The following CD151 variants were observed in gnomAD, a reference collection of about 807,000 sequenced individuals.
CD151 encodes the protein CD151 antigen.
In CD151, 20 loss-of-function variants were observed where a neutral mutation model predicts 34.2. That is an observed-to-expected ratio of 0.58 (90% CI 0.41 to 0.85). The LOEUF (loss-of-function observed/expected upper bound fraction) is 0.85. CD151 is among the 40% of genes least tolerant of loss of function. The probability of loss-of-function intolerance (pLI) is 0.00; values close to 1 mark genes in which losing one functional copy is unlikely to be tolerated. For missense variants in CD151, 306 were observed against 324.5 expected (o/e 0.94, Z 0.44); for synonymous variants, 157 against 131.7 (o/e 1.19, Z -1.32).
Position 838,146 on chromosome 11 carries a change from T to TCTCAAGCTG in CD151, c.718_719insCAAGCTGCT (p.Ile239_Phe240insSerSerCys). 1 of 1,613,214 alleles carries TCTCAAGCTG rather than the reference T, an allele frequency of 6.2e-7. No homozygotes were observed. The highest frequency in any genetic ancestry group is 1.3e-5 in the African/African-American group (1 of 75,010). ...CTCTGCACACAGGTCTTTGGCATGA[T>TCTCAAGCTG]CTTCACGTGCTGCCTGTACAGGAGT... On this transcript the variant is annotated inframe_insertion, in exon 9 of 9. Transcript: ENST00000397420.
Position 838,165 on chromosome 11 carries a change from C to T in CD151, c.735C>T (p.Tyr245=), listed in dbSNP as rs749673020. The T allele has an allele frequency of 3.7e-6, 6 of 1,613,102 alleles. No individual in the cohort carries two copies. The East Asian group carries it at 8.9e-5, about 24-fold the overall frequency. Residue 245 remains tyrosine (Y), a synonymous_variant, in exon 9 of 9, where the codon TAC becomes TAT. Transcript: ENST00000397420. ...GCATGATCTTCACGTGCTGCCTGTA[C>T]AGGAGTCTCAAGCTGGAGCACTACT... is the stretch of plus-strand genomic sequence containing the variant. ...VFGMIFTCCL[Y]RSLKLEHY
At chr11:836,545 G>C in intron 4 of CD151, 103 bp downstream of exon 4, 7 of 933,898 alleles carry the variant, frequency 7.5e-6, no homozygotes, top group Non-Finnish European at 9.6e-6. Context: ...CACCTGGGGG[G>C]GGGGTCACGG....
At position 836,085 on chromosome 11, in the gene CD151, GAGA is replaced by G. The variant is rs757023406; in HGVS notation, c.23_25del (p.Lys8del). 38 of 1,612,166 alleles carry G rather than the reference GAGA, an allele frequency of 2.4e-5. No homozygotes were observed. Among genetic ancestry groups the G allele is most frequent in the African/African-American group, 9.3e-5 (7 of 74,896 alleles). On this transcript the variant is annotated inframe_deletion, in exon 3 of 9. Transcript: ENST00000397420. Reference sequence around the variant, plus strand: ...CAGCCCCAGGATGGGTGAGTTCAACGAGAAGAAGACAACATGTGGCACCGTTTG... The same window carrying G: ...CAGCCCCAGGATGGGTGAGTTCAACGAGAAGACAACATGTGGCACCGTTTG...
chr11:836,714 C>G, intron 4 of CD151, 55 bp from the exon 5 acceptor site: 1 of 1,543,514 alleles, frequency 6.5e-7, no homozygotes, highest in East Asian at 2.2e-5. Context: ...CTGAGGTGCA[C>G]TAGGTCTAGG....
rs150762512 is a variant in CD151, at chr11:833,515, C to T, written c.-70+489C>T. ...GGGGACGCTTGGCAGGCGCGGAGTC[C>T]CAGGTCCCCCTGACTGGGGCTCCCC... On this transcript the variant is annotated intron_variant, in intron 1 of 8. Coordinates refer to ENST00000397420, the MANE Select transcript of CD151 (RefSeq NM_004357.5). Among the ~76,000 whole-genome samples the T allele has an allele frequency of 6.8e-3, 1,033 of 152,326 alleles. 20 individuals are homozygous for T. Among genetic ancestry groups the T allele is most frequent in the African/African-American group, 0.024 (988 of 41,572 alleles).
intron 2 of CD151, chr11:835,812 C>A (rs1448723531): frequency 1.2e-5 from 5 of 429,060 alleles, no homozygotes; most frequent in Non-Finnish European, 1.7e-5. Flanking sequence ...CTCAGCCTCC[C>A]AAGTAGCTGG....
rs773041213 is a variant in CD151, at chr11:837,551, G to A, written c.548G>A (p.Ser183Asn). The change falls in exon 7 of 9, where the codon AGC becomes AAC. Residue 183 changes from serine to asparagine, a missense_variant. By Grantham distance (46) the Ser-to-Asn change is conservative (BLOSUM62 1). Coordinates refer to ENST00000397420, the MANE Select transcript of CD151 (RefSeq NM_004357.5). ...GCCGGTGGCCGTGTGGTCCCAGACAGCTGCTGCAAGACGGTGGTGGCTCTT... is the reference window on the plus strand; with the variant it reads ...GCCGGTGGCCGTGTGGTCCCAGACAACTGCTGCAAGACGGTGGTGGCTCTT... ...QEAGGRVVPD[S>N]CCKTVVALCG... The A allele has an allele frequency of 1.2e-6, 2 of 1,613,032 alleles. No homozygotes were observed. The highest frequency in any genetic ancestry group is 2.7e-5 in the African/African-American group (2 of 74,920).
chr11:838,093 C>T (rs1846848189), intron 8 of CD151, 40 bp from the exon 9 acceptor site: 1 of 1,608,888 alleles, frequency 6.2e-7, no homozygotes, highest in Non-Finnish European at 8.5e-7. Context: ...GGCTGGTGGC[C>T]CCATGACGTC....
intron 1 of CD151, chr11:834,170 T>C (rs1846666259): frequency 6.6e-6 from 1 of 152,044 alleles, no homozygotes; most frequent in Non-Finnish European, 1.5e-5. Context: ...ACCAGCCTGG[T>C]CCACATGGTG....
In CD151 at chr11:837,614, T is replaced by G. The variant is rs1590210807; in HGVS notation, c.611T>G (p.Val204Gly). 1 of 1,611,146 alleles carries G rather than the reference T, an allele frequency of 6.2e-7. No homozygotes were observed. Among genetic ancestry groups the G allele is most frequent in the Non-Finnish European group, 8.5e-7 (1 of 1,179,448 alleles). ...GACCATGCCTCCAACATCTACAAGG[T>G]GGAGGTGGGTGTGCAGCGGGATCAT... ...QRDHASNIYK[V>G]EGGCITKLET... The change falls in exon 7 of 9, where the codon GTG becomes GGG. Residue 204 changes from valine (V) to glycine (G), a missense_variant. Transcript: ENST00000397420.
intron 3 of CD151, 24 bp from the exon 4 acceptor site, chr11:836,226 GA>G: frequency 6.2e-7 from 1 of 1,607,636 alleles, no homozygotes; most frequent in Non-Finnish European, 8.5e-7. Flanking sequence ...GGGCAGATGC[GA>G]TGACCTTTGT....
chr11:836,902 C>A, intron 5 of CD151, 59 bp downstream of exon 5: 1 of 1,434,178 alleles, frequency 7.0e-7, no homozygotes, highest in Non-Finnish European at 9.8e-7. Flanking sequence ...GGCGGACACA[C>A]ACACATGCAC....
rs372034658 is a variant in CD151 at position 837,337 on chromosome 11, G to A, written c.439G>A (p.Asp147Asn). ...PGHEAVTSAV[D>N]QLQQEFHCCG... ...CCATGAGGCTGTGACCAGCGCTGTG[G>A]ACCAGCTGCAGCAGGAGGTGGGTGG... The change falls in exon 6 of 9, where the codon GAC becomes AAC. Residue 147 changes from aspartate to asparagine, a missense_variant. Asp to Asn is a conservative substitution (Grantham distance 23). Coordinates refer to ENST00000397420, the MANE Select transcript of CD151 (RefSeq NM_004357.5). 17 of 1,612,696 alleles carry A rather than the reference G, an allele frequency of 1.1e-5. No individual in the cohort carries two copies. The African/African-American group carries it at 2.3e-4, about 22-fold the overall frequency.
chr11:836,292 G>A lies in CD151; in HGVS notation c.126G>A (p.Leu42=). 5.0e-6 allele frequency: 8 copies of A among 1,612,710 alleles called. No homozygotes were observed. The highest frequency in any genetic ancestry group is 6.8e-6 in the Non-Finnish European group (8 of 1,179,930). ...TCATGGCAGTGGGCATCTGGACGCT[G>A]GCCCTCAAGAGTGACTACATCAGCC... is the stretch of plus-strand genomic sequence containing the variant. ...LAVMAVGIWT[L]ALKSDYISLL... is the part of the protein sequence containing the mutation. The change falls in exon 4 of 9, where the codon CTG becomes CTA. Residue 42 remains leucine, a synonymous_variant. Transcript: ENST00000397420.
At chr11:835,582 T>C (rs1304201132) in intron 2 of CD151, 1 of 155,258 alleles carries the variant, frequency 6.4e-6, no homozygotes, top group Non-Finnish European at 1.4e-5. Context: ...CTCAAGTGAT[T>C]GCACCTGCCT....
chr11:835,829 A>G (rs1027886932), intron 2 of CD151: 81 of 457,688 alleles, frequency 1.8e-4, no homozygotes, highest in Admixed American at 1.1e-3. Flanking sequence ...CTGGGACTAC[A>G]GGCGCCCGCC....
Position 836,241 on chromosome 11 carries a change from C to T in CD151, c.85-10C>T. On this transcript the variant is annotated splice_polypyrimidine_tract_variant and intron_variant, in intron 3 of 8. Transcript: ENST00000397420. Reference sequence around the variant, plus strand: ...GGGCAGATGCGATGACCTTTGTGTACTGCTTGTAGCTGGCTGGCCTGGCTG... The same window carrying T: ...GGGCAGATGCGATGACCTTTGTGTATTGCTTGTAGCTGGCTGGCCTGGCTG... 6.3e-7 allele frequency: 1 copy of T among 1,592,552 alleles called. No individual in the cohort carries two copies.
chr11:837,652 T>C, intron 7 of CD151, 34 bp downstream of exon 7: 1 of 1,549,606 alleles, frequency 6.5e-7, no homozygotes, highest in Non-Finnish European at 8.7e-7. Flanking sequence ...CTCCAGTGTC[T>C]ACGAGGTGGT....
At position 836,804 on chromosome 11, in the gene CD151, G is replaced by A; in HGVS notation, c.312G>A (p.Glu104=). 6.2e-7 allele frequency: 1 copy of A among 1,612,798 alleles called. No homozygotes were observed. Among genetic ancestry groups the A allele is most frequent in the Non-Finnish European group, 8.5e-7 (1 of 1,179,944 alleles). The change falls in exon 5 of 9, where the codon GAG becomes GAA. Residue 104 remains glutamate, a synonymous_variant. Coordinates refer to ENST00000397420, the MANE Select transcript of CD151 (RefSeq NM_004357.5). ...FILLLIIFLL[E]IIAGILAYAY... ...TGCTCCTCATCATCTTTCTGCTGGAGATCATCGCTGGTATCCTCGCCTACG... is the reference window on the plus strand; with the variant it reads ...TGCTCCTCATCATCTTTCTGCTGGAAATCATCGCTGGTATCCTCGCCTACG...
Sources: allele counts gnomAD v4.1 joint callset (sites outside exome capture counted in the v4.1 genomes callset), GRCh38; gene constraint gnomAD v4.1.1; transcripts MANE v1.5; gene names NCBI Gene and HGNC (gene_info 2026-07-23, HGNC 2026-07-21).